Variants in HAO2 observed in about 807,000 individuals in gnomAD.
HAO2 encodes 2-Hydroxyacid oxidase 2.
In HAO2, 42 loss-of-function variants were observed where a neutral mutation model predicts 37.4. That is an observed-to-expected ratio of 1.12 (90% CI 0.88 to 1.45). The LOEUF is 1.45. HAO2 is among the 40% of genes most tolerant of loss of function. The pLI is 0.00. For missense variants in HAO2, 476 were observed against 430.2 expected (o/e 1.11, Z -0.94); for synonymous variants, 180 against 162.8 (o/e 1.11, Z -0.81).
At chr1:119,374,675 C>T (rs1649306094) in intron 1 of HAO2, among the ~76,000 whole-genome samples, 1 of 152,268 alleles carries the variant, frequency 6.6e-6, no homozygotes, top group South Asian at 2.1e-4. Context: ...CTGAGATTTC[C>T]CACAGACTGT....
intron 5 of HAO2, among the ~76,000 whole-genome samples, chr1:119,390,307 A>T (rs952960035): frequency 2.6e-4 from 40 of 152,158 alleles, no homozygotes; most frequent in Non-Finnish European, 1.5e-5. Context: ...GCTGGAGGGC[A>T]ATGGCGCAGT....
At chr1:119,386,486 A>G in intron 4 of HAO2, 136 bp from the exon 5 acceptor site, 1 of 639,084 alleles carries the variant, frequency 1.6e-6, no homozygotes, top group African/African-American at 1.8e-5. Context: ...GATTACAGGC[A>G]TGAGCCACCA....
intron 6 of HAO2, 38 bp downstream of exon 6, chr1:119,392,306 G>A: frequency 6.7e-7 from 1 of 1,501,000 alleles, no homozygotes; most frequent in Non-Finnish European, 9.1e-7. Context: ...AAGATACAGA[G>A]CTTCTCATTC....
intron 4 of HAO2, chr1:119,385,825 A>C (rs59273725): frequency 1.0e-6 from 1 of 985,140 alleles, no homozygotes; most frequent in South Asian, 4.7e-5. Context: ...GAGGTGCTCC[A>C]AAATCCTTAT....
At chr1:119,371,749 C>T (rs959188513) in intron 1 of HAO2, among the ~76,000 whole-genome samples, 2 of 152,160 alleles carry the variant, frequency 1.3e-5, no homozygotes, top group Non-Finnish European at 2.9e-5. Context: ...GCATGTAAAG[C>T]AATTTACACA....
chr1:119,375,909 G>A (rs1373439685), intron 1 of HAO2, among the ~76,000 whole-genome samples: 1 of 152,112 alleles, frequency 6.6e-6, no homozygotes, highest in Admixed American at 6.6e-5. Context: ...ACCCTCCTAT[G>A]ACATGTGGGG....
chr1:119,380,943 C>A, intron 1 of HAO2, 135 bp from the exon 2 acceptor site: 1 of 803,944 alleles, frequency 1.2e-6, no homozygotes, highest in South Asian at 1.6e-5. Flanking sequence ...TTAGCAATAA[C>A]TCTGTTAAGA....
Position 119,392,181 on chromosome 1 carries a change from A to C in HAO2, c.843A>C (p.Arg281=), listed in dbSNP as rs1405758428. The change falls in exon 6 of 8, where the codon CGA becomes CGC. Residue 281 remains arginine, a synonymous_variant. Coordinates refer to ENST00000325945, the MANE Select transcript of HAO2 (RefSeq NM_016527.4). Reference sequence around the variant, plus strand: ...AAGTCTACCTGGATGGCGGGGTCCGAACTGGCAATGATGTGCTGAAGGCTC... The same window carrying C: ...AAGTCTACCTGGATGGCGGGGTCCGCACTGGCAATGATGTGCTGAAGGCTC... ...KIEVYLDGGV[R]TGNDVLKALA... 1.2e-6 allele frequency: 2 copies of C among 1,613,332 alleles called. No individual in the cohort carries two copies. The highest frequency in any genetic ancestry group is 1.7e-6 in the Non-Finnish European group (2 of 1,179,530).
intron 6 of HAO2, 103 bp downstream of exon 6, chr1:119,392,371 T>C: frequency 9.8e-7 from 1 of 1,025,200 alleles, no homozygotes; most frequent in South Asian, 1.6e-5. Context: ...TCAAAATGAT[T>C]CCTAAAGGAT....
At chr1:119,386,573 A>G (rs769740657) in intron 4 of HAO2, 49 bp from the exon 5 acceptor site, 8 of 1,142,160 alleles carry the variant, frequency 7.0e-6, no homozygotes, top group African/African-American at 3.0e-5. Context: ...GAATGCATCA[A>G]GTAGCCTTGT....
chr1:119,376,512 C>G (rs1649483829), intron 1 of HAO2, among the ~76,000 whole-genome samples: 1 of 152,212 alleles, frequency 6.6e-6, no homozygotes, highest in Admixed American at 6.5e-5. Flanking sequence ...AGGATGATGG[C>G]CCTCTTCTCA....
rs755407102 is a variant in HAO2 at position 119,393,884 on chromosome 1, G to A, written c.*44G>A. The A allele has an allele frequency of 1.5e-5, 24 of 1,611,658 alleles. 2 individuals are homozygous for A. The South Asian group carries it at 2.6e-4, about 18-fold the overall frequency. On this transcript the variant is annotated 3_prime_UTR_variant, in exon 8 of 8. Coordinates refer to ENST00000325945, the MANE Select transcript of HAO2 (RefSeq NM_016527.4). ...CAGACTGCTGAGGTTGCCCACAGGAGGATCACAAACTCACAGCACAGTGTG... is the reference window on the plus strand; with the variant it reads ...CAGACTGCTGAGGTTGCCCACAGGAAGATCACAAACTCACAGCACAGTGTG...
intron 1 of HAO2, among the ~76,000 whole-genome samples, chr1:119,370,924 A>T (rs1033118394): frequency 6.6e-6 from 1 of 152,204 alleles, no homozygotes; most frequent in African/African-American, 2.4e-5. Context: ...GCAAGACCTG[A>T]AGTCACTAGT....
intron 5 of HAO2, among the ~76,000 whole-genome samples, chr1:119,387,520 A>C (rs938272401): frequency 1.3e-5 from 2 of 152,214 alleles, no homozygotes; most frequent in African/African-American, 2.4e-5. Flanking sequence ...AAATTAGAAA[A>C]CATACATAAG....
rs1290636046 is a variant in HAO2 at position 119,384,960 on chromosome 1, T to A, written c.468T>A (p.Thr156=). ...ESLGFKALVI[T]LDTPVCGNRR... ...TAGGTTTCAAAGCTTTGGTAATAACTTTGGATACACCTGTATGTGGCAACA... is the reference window on the plus strand; with the variant it reads ...TAGGTTTCAAAGCTTTGGTAATAACATTGGATACACCTGTATGTGGCAACA... Residue 156 remains threonine (T), a synonymous_variant, in exon 4 of 8, where the codon ACT becomes ACA. Coordinates refer to ENST00000325945, the MANE Select transcript of HAO2 (RefSeq NM_016527.4). The A allele has an allele frequency of 3.1e-6, 5 of 1,613,886 alleles. No individual in the cohort carries two copies. The highest frequency in any genetic ancestry group is 4.2e-6 in the Non-Finnish European group (5 of 1,179,804).
rs141709549 is a variant in HAO2 at position 119,375,724 on chromosome 1, A to G, written c.-8-5354A>G. Among the ~76,000 whole-genome samples the G allele has an allele frequency of 4.0e-3, 614 of 152,332 alleles. 3 individuals are homozygous for G. The highest frequency in any genetic ancestry group is 0.017 in the Middle Eastern group (5 of 294). On this transcript the variant is annotated intron_variant, in intron 1 of 7. Coordinates refer to ENST00000325945, the MANE Select transcript of HAO2 (RefSeq NM_016527.4). Reference sequence around the variant, plus strand: ...TCCACATAGCTGAAGGGGCCTCACAATTATGGCAGAAGGCAAAGGAGGAGC... The same window carrying G: ...TCCACATAGCTGAAGGGGCCTCACAGTTATGGCAGAAGGCAAAGGAGGAGC...
chr1:119,384,419 C>T (rs943744251), intron 3 of HAO2, among the ~76,000 whole-genome samples: 1 of 152,176 alleles, frequency 6.6e-6, no homozygotes, highest in Non-Finnish European at 1.5e-5. Context: ...CATCCTCTGC[C>T]CTCTCTAATT....
Position 119,381,105 on chromosome 1 carries a change from CAG to C in HAO2, c.22_23del (p.Asp8LeufsTer11). ...CCAGAAATGTCCTTGGTGTGTTTGA[CAG>C]ACTTTCAGGCCCATGCGCGAGAGCA... On this transcript the variant is annotated frameshift_variant, in exon 2 of 8. Coordinates refer to ENST00000325945, the MANE Select transcript of HAO2 (RefSeq NM_016527.4). LOFTEE classifies it high-confidence loss of function. 1 of 1,612,962 alleles carries C rather than the reference CAG, an allele frequency of 6.2e-7. No individual in the cohort carries two copies. The highest frequency in any genetic ancestry group is 8.5e-7 in the Non-Finnish European group (1 of 1,178,910).
At chr1:119,391,133 A>G (rs186433954) in intron 5 of HAO2, among the ~76,000 whole-genome samples, 1 of 151,788 alleles carries the variant, frequency 6.6e-6, no homozygotes, top group Non-Finnish European at 1.5e-5. Flanking sequence ...TTTCCTCACT[A>G]TTTTCTTATA....
Sources: allele counts gnomAD v4.1 joint callset (sites outside exome capture counted in the v4.1 genomes callset), GRCh38; gene constraint gnomAD v4.1.1; transcripts MANE v1.5; gene names NCBI Gene and HGNC (gene_info 2026-07-23, HGNC 2026-07-21).